The following TCF7 variants were observed in gnomAD, a reference collection of about 807,000 sequenced individuals.
The protein encoded by TCF7 is T-cell-factor-7.
A neutral mutation model predicts 46.8 loss-of-function variants in TCF7; 19 were observed. The ratio of observed to expected loss-of-function variants is 0.41; its 90% CI spans 0.28 to 0.60. The LOEUF (loss-of-function observed/expected upper bound fraction) is 0.60, where lower values mean the gene tolerates loss of function less well. Ranked by LOEUF, TCF7 falls within the 20% of genes least tolerant of loss-of-function variation. The pLI is 0.35. For missense variants in TCF7, 547 were observed against 504.6 expected (o/e 1.08, Z -0.81); for synonymous variants, 245 against 213.4 (o/e 1.15, Z -1.29).
In TCF7 at chr5:134,115,355, T is replaced by A. The variant is rs760423928; in HGVS notation, c.284T>A (p.Phe95Tyr). 1.2e-6 allele frequency: 2 copies of A among 1,602,440 alleles called. No individual in the cohort carries two copies. Among genetic ancestry groups the A allele is most frequent in the Non-Finnish European group, 1.7e-6 (2 of 1,175,362 alleles). Residue 95 changes from phenylalanine to tyrosine, a missense_variant, in exon 2 of 10, where the codon TTC becomes TAC. By Grantham distance (22) the Phe-to-Tyr change is conservative (BLOSUM62 3). Transcript: ENST00000342854. ...CGGGAACACGCTGCGCAGAGACTCT[T>A]CCCGGACAAACTTCCAGAGCCCCTG... The part of the protein sequence containing the change: ...LGREHAAQRL[F>Y]PDKLPEPLED...
chr5:134,145,298 G>GA (rs750763946), intron 9 of TCF7: 2 of 538,058 alleles, frequency 3.7e-6, no homozygotes, highest in East Asian at 5.1e-5. Flanking sequence ...CCCTTAATCT[G>GA]AAAAAGCAAG....
chr5:134,108,813 G>A, the TCF7 span, among the ~76,000 whole-genome samples: 2 of 152,132 alleles, frequency 1.3e-5, no homozygotes, highest in Non-Finnish European at 1.5e-5. Flanking sequence ...AGTTCACCTA[G>A]GTCCCAGGGA....
chr5:134,145,466 AGAAATACTT>A (rs1760560532), intron 9 of TCF7: 2 of 562,078 alleles, frequency 3.6e-6, no homozygotes, highest in African/African-American at 3.7e-5. Context: ...CATACAACAG[AGAAATACTT>A]GTGGGTGTGA....
At chr5:134,145,666 G>A (rs1211968328) in intron 9 of TCF7, 1 of 1,503,668 alleles carries the variant, frequency 6.7e-7, no homozygotes, top group East Asian at 2.3e-5. Flanking sequence ...GGGTGTGTCT[G>A]TGTATCCACA....
At chr5:134,131,655 AG>A (rs1758142847) in intron 3 of TCF7, among the ~76,000 whole-genome samples, 1 of 152,188 alleles carries the variant, frequency 6.6e-6, no homozygotes, top group Admixed American at 6.5e-5. Context: ...AAGCCTGCTG[AG>A]TGCAGAGCCC....
At chr5:134,130,287 G>A (rs970961586) in intron 3 of TCF7, among the ~76,000 whole-genome samples, 74 of 152,230 alleles carry the variant, frequency 4.9e-4, no homozygotes, top group African/African-American at 1.7e-3. Flanking sequence ...GAGGGCTTGA[G>A]GGGCATCCTG....
At chr5:134,142,330 G>C (rs1302632578) in intron 6 of TCF7, 26 bp downstream of exon 6, 1 of 1,558,400 alleles carries the variant, frequency 6.4e-7, no homozygotes, top group Non-Finnish European at 8.7e-7. Flanking sequence ...ATGATGGCAG[G>C]GGGTGTGTCA....
chr5:134,117,463 G>A (rs999514887), intron 3 of TCF7, among the ~76,000 whole-genome samples: 1 of 152,246 alleles, frequency 6.6e-6, no homozygotes, highest in Non-Finnish European at 1.5e-5. Context: ...TAGGGGCTGG[G>A]GTCACCGTGG....
intron 7 of TCF7, 25 bp downstream of exon 7, chr5:134,142,908 G>C (rs1222359420): frequency 6.2e-7 from 1 of 1,611,118 alleles, no homozygotes; most frequent in East Asian, 2.2e-5. Context: ...AGGTGGGCTG[G>C]CAGGGATGCT....
chr5:134,115,924 A>T lies in TCF7; in HGVS notation c.332A>T (p.Glu111Val), dbSNP rs138761950. The T allele has an allele frequency of 1.9e-6, 3 of 1,613,908 alleles. No homozygotes were observed. In the South Asian group the frequency reaches 3.3e-5, roughly 18 times the overall value. Reference protein sequence around the residue: ...EPLEDGLKAPECTSGMYKETV... With the variant: ...EPLEDGLKAPVCTSGMYKETV... ...GTTTTTCCAGGCCTGAAGGCCCCGGAGTGCACCAGCGGCATGTACAAAGAG... is the reference window on the plus strand; with the variant it reads ...GTTTTTCCAGGCCTGAAGGCCCCGGTGTGCACCAGCGGCATGTACAAAGAG... The change falls in exon 3 of 10, where the codon GAG (glutamate) becomes GTG (valine). Residue 111 changes from glutamate (E) to valine (V), a missense_variant. By Grantham distance (121) the Glu-to-Val change is moderately radical (BLOSUM62 -2). Around this residue, in one of 3 missense-constraint regions of TCF7, gnomAD observed 425 missense variants for 349.9 expected, o/e 1.21. Transcript: ENST00000342854.
chr5:134,143,116 C>A lies in TCF7; in HGVS notation c.1026+16C>A, dbSNP rs563334842. 2.5e-6 allele frequency: 4 copies of A among 1,591,394 alleles called. No homozygotes were observed. The highest frequency in any genetic ancestry group is 2.7e-5 in the African/African-American group (2 of 74,686). ...GGACAACTACGTGAGTGCCTAGTGA[C>A]ACACAGCAGGGGTGGGCAGGGGACC... is the stretch of plus-strand genomic sequence containing the variant. On this transcript the variant is annotated intron_variant, in intron 8 of 9. Coordinates refer to ENST00000342854, the MANE Select transcript of TCF7 (RefSeq NM_003202.5).
chr5:134,121,947 T>C (rs564538638), intron 3 of TCF7, among the ~76,000 whole-genome samples: 24 of 152,334 alleles, frequency 1.6e-4, no homozygotes, highest in African/African-American at 4.6e-4. Flanking sequence ...ACAGCTGATA[T>C]GGAGTTCTGC....
At chr5:134,141,004 CGTCT>C (rs1759668903) in intron 5 of TCF7, 1 of 322,508 alleles carries the variant, frequency 3.1e-6, no homozygotes, top group Non-Finnish European at 6.1e-6. Flanking sequence ...TCCATCTGTC[CGTCT>C]GTCATTTTGC....
chr5:134,140,841 A>G (rs1759637009), intron 5 of TCF7: 1 of 454,394 alleles, frequency 2.2e-6, no homozygotes, highest in African/African-American at 2.0e-5. Context: ...GCGGATATAG[A>G]CAGCACTTCC....
At chr5:134,129,456 A>T (rs1215460362) in intron 3 of TCF7, among the ~76,000 whole-genome samples, 1 of 152,092 alleles carries the variant, frequency 6.6e-6, no homozygotes, top group East Asian at 1.9e-4. Context: ...ACTGATGGGG[A>T]GCTGCATGAA....
At position 134,115,347 on chromosome 5, in the gene TCF7, G is replaced by A; in HGVS notation, c.276G>A (p.Gln92=). The change falls in exon 2 of 10, where the codon CAG becomes CAA. Residue 92 remains glutamine, a synonymous_variant. Transcript: ENST00000342854. ...CTCTCGGGCGGGAACACGCTGCGCA[G>A]AGACTCTTCCCGGACAAACTTCCAG... The part of the protein sequence containing the change: ...AEALGREHAA[Q]RLFPDKLPEP... 6.2e-7 allele frequency: 1 copy of A among 1,600,872 alleles called. No homozygotes were observed. The highest frequency in any genetic ancestry group is 1.1e-5 in the South Asian group (1 of 88,768).
chr5:134,144,930 T>A, intron 9 of TCF7: 1 of 1,461,110 alleles, frequency 6.8e-7, no homozygotes, highest in East Asian at 2.3e-5. Flanking sequence ...ACTCTGCACA[T>A]GTTCCACTGG....
At position 134,124,969 on chromosome 5, in the gene TCF7, C is replaced by A. The variant is rs980644112; in HGVS notation, c.441+8936C>A. 5.3e-5 allele frequency among the ~76,000 whole-genome samples: 8 copies of A among 152,232 alleles called. 1 individual carries two copies. Among genetic ancestry groups the A allele is most frequent in the Admixed American group, 3.9e-4 (6 of 15,284 alleles). ...TGATGGGAAGGAAGCCATCCCTCCC[C>A]CTGCTGTGTGACCTCACGCAAATCT... On this transcript the variant is annotated intron_variant, in intron 3 of 9. Transcript: ENST00000342854.
chr5:134,140,522 C>T (rs888514364), intron 5 of TCF7: 1 of 327,678 alleles, frequency 3.1e-6, no homozygotes, highest in Non-Finnish European at 6.0e-6. Context: ...GATATCAGCC[C>T]TATACCGTCA....
Sources: gnomAD v4.1 joint callset for allele counts (sites outside exome capture counted in the v4.1 genomes callset) on GRCh38, gnomAD v4.1.1 for gene constraint, gnomAD v4.1.1 regional missense constraint, MANE v1.5 for transcripts, NCBI Gene and HGNC (gene_info 2026-07-23, HGNC 2026-07-21) for gene names.